JCAD: variants seen among roughly 807,000 people sequenced by gnomAD.
JCAD encodes the protein junctional cadherin 5 associated, also known as junctional cadherin 5-associated protein.
Under a neutral mutation model 98.0 loss-of-function variants are expected in JCAD, and 40 were observed. That is an observed-to-expected ratio of 0.41 (90% CI 0.32 to 0.53). JCAD has a LOEUF of 0.53. Ranked by LOEUF, JCAD falls within the 20% of genes least tolerant of loss-of-function variation. JCAD has a pLI of 0.31. For missense variants in JCAD, 1,705 were observed against 1,738.1 expected, an observed-to-expected ratio of 0.98 and a Z score of 0.34; for synonymous variants, 691 against 682.3, an observed-to-expected ratio of 1.01 and a Z score of -0.20.
chr10:30,040,548 C>A (rs1163142988), intron 2 of JCAD, among the ~76,000 whole-genome samples: 3 of 152,168 alleles, frequency 2.0e-5, no homozygotes, highest in Non-Finnish European at 2.9e-5. Context: ...TTCATTTATT[C>A]AACAAATATT....
At chr10:30,081,841 C>T (rs746244749) in intron 1 of JCAD, among the ~76,000 whole-genome samples, 7 of 152,342 alleles carry the variant, frequency 4.6e-5, no homozygotes, top group East Asian at 3.9e-4. Flanking sequence ...GGATCACTCA[C>T]GTCTGCTGCA....
In JCAD at chr10:30,033,073, G is replaced by A. The variant is rs72810789; in HGVS notation, c.282-3207C>T. 4.2e-3 allele frequency among the ~76,000 whole-genome samples: 641 copies of A among 152,172 alleles called. 4 individuals are homozygous for A. Among genetic ancestry groups the A allele is most frequent in the Non-Finnish European group, 6.1e-3 (418 of 68,012 alleles). On this transcript the variant is annotated intron_variant, in intron 2 of 3. Transcript: ENST00000375377. The stretch of plus-strand genomic sequence containing the variant: ...AACGTTATAATTACCACTACTTCCC[G>A]CTTTTACAGATAAGAAAACTGAGGC...
intron 3 of JCAD, among the ~76,000 whole-genome samples, chr10:30,021,827 T>G (rs1836665797): frequency 6.6e-6 from 1 of 152,156 alleles, no homozygotes; most frequent in South Asian, 2.1e-4. Context: ...GTGGGCTCCA[T>G]TTCAGCTGAG....
In JCAD at chr10:30,026,296, G is replaced by C; in HGVS notation, c.3852C>G (p.Asp1284Glu). 6.2e-7 allele frequency: 1 copy of C among 1,613,930 alleles called. No individual in the cohort carries two copies. The highest frequency in any genetic ancestry group is 8.5e-7 in the Non-Finnish European group (1 of 1,180,026). Residue 1284 changes from aspartate to glutamate, a missense_variant, in exon 3 of 4, where the codon GAC becomes GAG. Coordinates refer to ENST00000375377, the MANE Select transcript of JCAD (RefSeq NM_020848.4). The part of the protein sequence containing the change: ...LSFRNADSQE[D>E]AEELKATTRG... The stretch of plus-strand genomic sequence containing the variant: ...TTGTGGTGGCCTTCAATTCCTCGGC[G>C]TCCTCCTGGGAGTCGGCATTCCTGA...
intron 2 of JCAD, among the ~76,000 whole-genome samples, chr10:30,064,831 C>G (rs1837756870): frequency 1.3e-5 from 2 of 152,176 alleles, no homozygotes; most frequent in African/African-American, 4.8e-5. Flanking sequence ...GCCACCACGC[C>G]TGGTTAATTT....
intron 1 of JCAD, among the ~76,000 whole-genome samples, chr10:30,102,834 A>G (rs1838494335): frequency 6.6e-6 from 1 of 151,462 alleles, no homozygotes; most frequent in Non-Finnish European, 1.5e-5. Flanking sequence ...TAATCGTGGC[A>G]GAAGGCAAAT....
intron 1 of JCAD, among the ~76,000 whole-genome samples, chr10:30,072,674 A>G (rs1188329878): frequency 6.6e-6 from 1 of 150,546 alleles, no homozygotes; most frequent in Non-Finnish European, 1.5e-5. Context: ...TTTTTTTGAG[A>G]CAGAGTCTCA....
intron 1 of JCAD, chr10:30,115,365 A>G (rs536588031): frequency 2.0e-5 from 3 of 152,322 alleles, no homozygotes; most frequent in Admixed American, 2.0e-4. Flanking sequence ...GAAAATATTT[A>G]CCTGAGGAAA....
intron 2 of JCAD, chr10:30,044,647 C>G (rs1837299500): frequency 5.1e-6 from 1 of 195,950 alleles, no homozygotes; most frequent in Non-Finnish European, 9.0e-6. Context: ...TCATCAGATT[C>G]AGAATTCACA....
intron 2 of JCAD, among the ~76,000 whole-genome samples, chr10:30,040,169 C>T (rs1837212100): frequency 6.6e-6 from 1 of 152,148 alleles, no homozygotes; most frequent in African/African-American, 2.4e-5. Context: ...AACAGGCCTT[C>T]ACAATGCCAG....
chr10:30,083,819 G>C (rs543182595), intron 1 of JCAD, among the ~76,000 whole-genome samples: 31 of 152,120 alleles, frequency 2.0e-4, no homozygotes, highest in Non-Finnish European at 4.1e-4. Flanking sequence ...TTGAGCCCAT[G>C]AGTTGCAGAT....
At chr10:30,099,151 A>G (rs1356570537) in intron 1 of JCAD, among the ~76,000 whole-genome samples, 1 of 152,216 alleles carries the variant, frequency 6.6e-6, no homozygotes, top group East Asian at 1.9e-4. Context: ...AAATTATTTA[A>G]AAGTGGGGAA....
At position 30,028,479 on chromosome 10, in the gene JCAD, T is replaced by C; in HGVS notation, c.1669A>G (p.Lys557Glu). The change falls in exon 3 of 4, where the codon AAG (lysine) becomes GAG (glutamate). Residue 557 changes from lysine to glutamate, a missense_variant. Coordinates refer to ENST00000375377, the MANE Select transcript of JCAD (RefSeq NM_020848.4). ...QGESTCETQT[K>E]LKKFQTGTRT... ...GTCCCAGTTTGGAACTTTTTGAGCT[T>C]GGTTTGAGTTTCGCAGGTGCTCTCG... is the stretch of plus-strand genomic sequence containing the variant. 3.7e-6 allele frequency: 6 copies of C among 1,614,250 alleles called. No homozygotes were observed. The South Asian group carries it at 6.6e-5, about 18-fold the overall frequency.
intron 1 of JCAD, among the ~76,000 whole-genome samples, chr10:30,109,442 G>T (rs1838648644): frequency 6.6e-6 from 1 of 152,066 alleles, no homozygotes; most frequent in Non-Finnish European, 1.5e-5. Context: ...AGTTATCTTT[G>T]ATGGATGCCT....
At chr10:30,061,730 A>C (rs1245205941), upstream of JCAD, among the ~76,000 whole-genome samples, 4 of 146,772 alleles carry the variant, frequency 2.7e-5, no homozygotes, top group Non-Finnish European at 5.9e-5. Flanking sequence ...GGAAATGCAG[A>C]CTTTTTTTTT....
intron 1 of JCAD, among the ~76,000 whole-genome samples, chr10:30,076,929 G>A (rs139167326): frequency 4.1e-4 from 62 of 152,272 alleles, no homozygotes; most frequent in Non-Finnish European, 5.3e-4. Flanking sequence ...AAGGATTCTC[G>A]GGGAGTGGAG....
At chr10:30,115,004 C>T (rs910324620) in intron 1 of JCAD, among the ~76,000 whole-genome samples, 1 of 152,106 alleles carries the variant, frequency 6.6e-6, no homozygotes, top group African/African-American at 2.4e-5. Context: ...TGCTGGGAAC[C>T]GCTTCTGTAT....
At chr10:30,070,108 T>C (rs1468463285) in intron 1 of JCAD, among the ~76,000 whole-genome samples, 1 of 152,182 alleles carries the variant, frequency 6.6e-6, no homozygotes, top group East Asian at 1.9e-4. Context: ...CTACAGAGGA[T>C]AATTAGTGGT....
At chr10:30,089,890 TC>T (rs1838233944) in intron 1 of JCAD, among the ~76,000 whole-genome samples, 1 of 152,226 alleles carries the variant, frequency 6.6e-6, no homozygotes, top group South Asian at 2.1e-4. Context: ...CATGATTGTT[TC>T]AAAATAAATT....
Sources: gnomAD v4.1 joint callset for allele counts (sites outside exome capture counted in the v4.1 genomes callset) on GRCh38, gnomAD v4.1.1 for gene constraint, MANE v1.5 for transcripts, NCBI Gene and HGNC (gene_info 2026-07-23, HGNC 2026-07-21) for gene names.